UGT1A4: variants seen among roughly 807,000 people sequenced by gnomAD.
UGT1A4 encodes the protein UDP glucuronosyltransferase family 1 member A4, also known as UDP-glucuronosyltransferase 1A4.
In UGT1A4, 32 loss-of-function variants were observed where a neutral mutation model predicts 41.1. That is an observed-to-expected ratio of 0.78 (90% confidence interval 0.59 to 1.05). The LOEUF (loss-of-function observed/expected upper bound fraction) is 1.05, where lower values mean the gene tolerates loss of function less well. UGT1A4 is among the 50% of genes least tolerant of loss of function. The probability of loss-of-function intolerance (pLI) is 0.00; values close to 1 mark genes in which losing one functional copy is unlikely to be tolerated. For synonymous variants in UGT1A4, 283 were observed against 265.1 expected (o/e 1.07, Z -0.66); for missense variants, 748 against 677.4 (o/e 1.10, Z -1.16).
At chr2:233,729,604 G>C in intron 1 of UGT1A4, 2 of 1,613,996 alleles carry the variant, frequency 1.2e-6, no homozygotes, top group Non-Finnish European at 1.7e-6. Context: ...CTGCGCGGCA[G>C]TGCTGGCTAA....
chr2:233,757,895 TC>T (rs374634919), intron 1 of UGT1A4, among the ~76,000 whole-genome samples: 2 of 152,016 alleles, frequency 1.3e-5, no homozygotes, highest in Non-Finnish European at 2.9e-5. Context: ...AGAAACACTT[TC>T]CATGGACGTG....
rs528527073 is a variant in UGT1A4 at position 233,743,656 on chromosome 2, G to A, written c.868-23378G>A. On this transcript the variant is annotated intron_variant, in intron 1 of 4. Transcript: ENST00000373409. ...GGTCGCGGAAGCTGAAGACGTACTC[G>A]AAGGGGTCCTCGAAGGGCCTGCCGC... 2.2e-5 allele frequency: 30 copies of A among 1,367,266 alleles called. 1 individual carries two copies. Among genetic ancestry groups the A allele is most frequent in the Middle Eastern group, 4.2e-4 (2 of 4,768 alleles). The allele number at this position is 1,367,266 out of a possible 1,614,324, so 84.7% of individuals were successfully genotyped here.
intron 2 of UGT1A4, 69 bp from the exon 3 acceptor site, chr2:233,767,780 G>C: frequency 1.2e-6 from 2 of 1,613,138 alleles, no homozygotes; most frequent in Non-Finnish European, 1.7e-6. Flanking sequence ...TTTCTAGTTA[G>C]TATAGCAGAT....
intron 4 of UGT1A4, 67 bp from the exon 5 acceptor site, chr2:233,772,195 G>A (rs1700480706): frequency 1.9e-6 from 3 of 1,602,230 alleles, no homozygotes; most frequent in Non-Finnish European, 2.6e-6. Flanking sequence ...AAGCAGCCAT[G>A]AGCATAAAGA....
Position 233,769,464 on chromosome 2 carries a change from C to T in UGT1A4, c.1307+1025C>T, listed in dbSNP as rs557481865. The T allele has an allele frequency of 3.3e-5, 50 of 1,503,294 alleles. No individual in the cohort carries two copies. The highest frequency in any genetic ancestry group is 4.1e-5 in the African/African-American group (3 of 72,468). 93.1% of individuals were successfully genotyped at this position (1,503,294 alleles called of 1,614,324 possible). A position where few individuals can be genotyped will look rare whatever the true frequency, so the allele number is the denominator to read the frequency against. ...GGGTGCACACGTGTGCATTCATATG[C>T]GTGTGTGTGTGTGTGCGTGTGTTTA... On this transcript the variant is annotated intron_variant, in intron 4 of 4. Coordinates refer to ENST00000373409, the MANE Select transcript of UGT1A4 (RefSeq NM_007120.3). This position sits in a 1 kb window ranked among gnomAD's most constrained non-coding sequence, Gnocchi z 4.4.
intron 1 of UGT1A4, among the ~76,000 whole-genome samples, chr2:233,737,056 C>T (rs372490869): frequency 3.3e-5 from 5 of 152,206 alleles, no homozygotes; most frequent in South Asian, 2.1e-4. Context: ...ACTAGGAGAA[C>T]GAGTGCTCTC....
intron 1 of UGT1A4, among the ~76,000 whole-genome samples, chr2:233,724,360 G>T (rs1455285943): frequency 2.7e-5 from 4 of 146,576 alleles, no homozygotes; most frequent in Non-Finnish European, 4.5e-5. Context: ...CCTCCCTCCC[G>T]GACGGGGTGG....
chr2:233,718,924 C>A lies in UGT1A4; in HGVS notation c.104C>A (p.Pro35His). The change falls in exon 1 of 5, where the codon CCC becomes CAC. Residue 35 changes from proline (P) to histidine (H), a missense_variant. By Grantham distance (77) the Pro-to-His change is moderately conservative. Coordinates refer to ENST00000373409, the MANE Select transcript of UGT1A4 (RefSeq NM_007120.3). ...WAESGKVLVVPTDGSPWLSMR... is the reference protein window; with the variant it reads ...WAESGKVLVVHTDGSPWLSMR... Reference sequence around the variant, plus strand: ...GAGAGTGGAAAGGTGTTGGTGGTGCCCACTGATGGCAGCCCCTGGCTCAGC... The same window carrying A: ...GAGAGTGGAAAGGTGTTGGTGGTGCACACTGATGGCAGCCCCTGGCTCAGC... 6.2e-7 allele frequency: 1 copy of A among 1,614,056 alleles called. No homozygotes were observed. The highest frequency in any genetic ancestry group is 8.5e-7 in the Non-Finnish European group (1 of 1,179,980).
At chr2:233,720,769 G>A (rs1374980919) in intron 1 of UGT1A4, among the ~76,000 whole-genome samples, 1 of 151,034 alleles carries the variant, frequency 6.6e-6, no homozygotes, top group Non-Finnish European at 1.5e-5. Flanking sequence ...GCAGTGGCCG[G>A]ATCTCCGCTC....
At chr2:233,720,574 T>A (rs1460258632) in intron 1 of UGT1A4, among the ~76,000 whole-genome samples, 1 of 152,136 alleles carries the variant, frequency 6.6e-6, no homozygotes, top group Non-Finnish European at 1.5e-5. Context: ...CTATTCTTTT[T>A]CCAAAAATTT....
At chr2:233,746,235 C>T (rs565676121) in intron 1 of UGT1A4, among the ~76,000 whole-genome samples, 3 of 151,598 alleles carry the variant, frequency 2.0e-5, no homozygotes, top group Non-Finnish European at 4.4e-5. Flanking sequence ...ATGCAAACTG[C>T]TAAAAGATAC....
chr2:233,754,215 T>A (rs1387155236), intron 1 of UGT1A4: 1 of 166,766 alleles, frequency 6.0e-6, no homozygotes, highest in Non-Finnish European at 1.3e-5. Flanking sequence ...GTCAAATGAT[T>A]TAGAGCAAAC....
At chr2:233,739,084 G>A (rs1483024078) in intron 1 of UGT1A4, 1 of 152,248 alleles carries the variant, frequency 6.6e-6, no homozygotes, top group Non-Finnish European at 1.5e-5. Flanking sequence ...TCAAGCCTTG[G>A]CAGCATCGAT....
chr2:233,765,846 C>T (rs562820887), intron 1 of UGT1A4, among the ~76,000 whole-genome samples: 4 of 152,146 alleles, frequency 2.6e-5, no homozygotes, highest in African/African-American at 7.2e-5. Flanking sequence ...CCTTGTCCCC[C>T]TCACAGAGCA....
chr2:233,724,133 G>C (rs1298685512), intron 1 of UGT1A4, among the ~76,000 whole-genome samples: 1 of 34,684 alleles, frequency 2.9e-5, no homozygotes, highest in East Asian at 6.1e-4. Flanking sequence ...CTCACCTCCC[G>C]GACGGGGCGG....
chr2:233,760,175 C>CT (rs1329658186), intron 1 of UGT1A4: 8 of 1,540,648 alleles, frequency 5.2e-6, no homozygotes, highest in Non-Finnish European at 6.1e-6. Flanking sequence ...GGACTGACAG[C>CT]TTTTTATAGT....
intron 1 of UGT1A4, among the ~76,000 whole-genome samples, chr2:233,766,144 C>T (rs2126022792): frequency 6.6e-6 from 1 of 152,268 alleles, no homozygotes; most frequent in South Asian, 2.1e-4. Flanking sequence ...TCGAATCCCA[C>T]CTGGGCTTGG....
rs1699505482 is a variant in UGT1A4, at chr2:233,767,840, C to T, written c.1000-9C>T. The T allele has an allele frequency of 5.6e-6, 9 of 1,614,028 alleles. No homozygotes were observed. The highest frequency in any genetic ancestry group is 1.1e-5 in the South Asian group (1 of 91,070). ...TTTCTTTACGTTCTGCTCTTTTTGC[C>T]CCTCCCAGGTCCTGTGGCGGTACAC... On this transcript the variant is annotated splice_polypyrimidine_tract_variant and intron_variant, in intron 2 of 4. Coordinates refer to ENST00000373409, the MANE Select transcript of UGT1A4 (RefSeq NM_007120.3).
At chr2:233,771,798 CCCTCCCTT>C (rs951458637) in intron 4 of UGT1A4, among the ~76,000 whole-genome samples, 10 of 147,834 alleles carry the variant, frequency 6.8e-5, no homozygotes, top group African/African-American at 2.5e-4. Context: ...CTCCCTCCCT[CCCTCCCTT>C]CCTCCTTTCC....
Sources: allele counts gnomAD v4.1 joint callset (sites outside exome capture counted in the v4.1 genomes callset), GRCh38; gene constraint gnomAD v4.1.1; non-coding constraint Gnocchi (gnomAD v3.1); transcripts MANE v1.5; gene names NCBI Gene and HGNC (gene_info 2026-07-23, HGNC 2026-07-21).